Variants in ME3 observed in about 807,000 individuals in gnomAD.
The protein encoded by ME3 is NADP-dependent malic enzyme, mitochondrial.
Under a neutral mutation model 68.9 loss-of-function variants are expected in ME3, and 48 were observed. The observed-to-expected ratio is 0.70, with a 90% CI of 0.55 to 0.89. The LOEUF (loss-of-function observed/expected upper bound fraction) is 0.89. Ranked by LOEUF, ME3 falls within the 40% of genes least tolerant of loss-of-function variation. ME3 has a pLI of 0.00. For missense variants in ME3, 675 were observed against 797.4 expected (o/e 0.85, Z 1.85); for synonymous variants, 320 against 318.8 (o/e 1.00, Z -0.04).
intron 2 of ME3, among the ~76,000 whole-genome samples, chr11:86,598,268 G>C (rs76942180): frequency 6.6e-6 from 1 of 152,218 alleles, no homozygotes; most frequent in East Asian, 1.9e-4. Context: ...TTTCCGACGG[G>C]CTTAGGAAAT....
chr11:86,530,350 G>C (rs1955114016), intron 4 of ME3, among the ~76,000 whole-genome samples: 1 of 152,000 alleles, frequency 6.6e-6, no homozygotes, highest in African/African-American at 2.4e-5. Context: ...AATAAAAGAG[G>C]ATACAAAAAA....
At chr11:86,611,383 T>C (rs1212505452) in intron 2 of ME3, among the ~76,000 whole-genome samples, 1 of 152,106 alleles carries the variant, frequency 6.6e-6, no homozygotes, top group Non-Finnish European at 1.5e-5. Flanking sequence ...ATGGTGACTA[T>C]AGTTAATAAG....
intron 8 of ME3, chr11:86,462,825 C>G (rs1950289860): frequency 2.6e-6 from 1 of 388,564 alleles, no homozygotes; most frequent in Non-Finnish European, 5.2e-6. Flanking sequence ...CCAAATCAGA[C>G]TGAGGGAACA....
intron 8 of ME3, among the ~76,000 whole-genome samples, chr11:86,459,792 A>G (rs1157206928): frequency 1.3e-5 from 2 of 152,206 alleles, no homozygotes; most frequent in Non-Finnish European, 2.9e-5. Context: ...AGGGGGTGCT[A>G]ATAGCCTGAC....
At chr11:86,482,683 A>G (rs932489481) in intron 7 of ME3, among the ~76,000 whole-genome samples, 12 of 150,562 alleles carry the variant, frequency 8.0e-5, no homozygotes, top group African/African-American at 2.9e-4. Context: ...GGCAGCTTCC[A>G]CTCTTGTGTT....
At chr11:86,515,143 G>A (rs1208041025) in intron 4 of ME3, among the ~76,000 whole-genome samples, 3 of 152,128 alleles carry the variant, frequency 2.0e-5, no homozygotes, top group African/African-American at 7.2e-5. Flanking sequence ...AAGGATCTTT[G>A]GTGATGCACA....
chr11:86,442,739 T>G (rs1949069123), intron 14 of ME3, 82 bp downstream of exon 14: 9 of 1,176,564 alleles, frequency 7.6e-6, no homozygotes, highest in Non-Finnish European at 1.1e-5. Flanking sequence ...ACAGTTTCCA[T>G]CCCCTTAACC....
At chr11:86,655,044 T>C (rs1217122654) in intron 2 of ME3, among the ~76,000 whole-genome samples, 2 of 152,154 alleles carry the variant, frequency 1.3e-5, no homozygotes, top group East Asian at 1.9e-4. Context: ...TTACAAGGGA[T>C]GTGAAAGACC....
intron 7 of ME3, 114 bp downstream of exon 7, chr11:86,487,222 TG>T: frequency 1.2e-6 from 1 of 816,536 alleles, no homozygotes; most frequent in Non-Finnish European, 2.0e-6. Flanking sequence ...TCAGAATACC[TG>T]GAAAAGCATG....
intron 3 of ME3, among the ~76,000 whole-genome samples, chr11:86,557,928 T>C (rs1443473228): frequency 1.3e-5 from 2 of 152,136 alleles, no homozygotes; most frequent in Non-Finnish European, 2.9e-5. Flanking sequence ...TATTAAAGAT[T>C]TACCAGCACA....
intron 4 of ME3, among the ~76,000 whole-genome samples, chr11:86,519,200 G>T (rs1307861942): frequency 6.6e-6 from 1 of 152,126 alleles, no homozygotes. Flanking sequence ...CTCAAAGTCT[G>T]TTGGAATTTC....
intron 2 of ME3, among the ~76,000 whole-genome samples, chr11:86,657,618 T>C (rs1945990269): frequency 6.6e-6 from 1 of 152,016 alleles, no homozygotes; most frequent in African/African-American, 2.4e-5. Context: ...TTCAGTATAA[T>C]AATAAAAAAA....
intron 14 of ME3, 69 bp downstream of exon 14, chr11:86,442,752 C>A: frequency 1.5e-6 from 2 of 1,345,124 alleles, no homozygotes; most frequent in South Asian, 2.5e-5. Context: ...CCTTAACCCT[C>A]CTAAAGTCAC....
Position 86,671,851 on chromosome 11 carries a change from G to A in ME3, c.94C>T (p.Gln32Ter), listed in dbSNP as rs1946970826. Residue 32 changes from glutamine (Q) to a stop codon, truncating the protein, a stop_gained, in exon 2 of 15, where the codon CAA becomes TAA. Transcript: ENST00000543262. LOFTEE classifies it high-confidence loss of function. ...GGGCCAGGCTTGGAGTGGCAGCCTT[G>A]GGCGGGCGCGGTGGGTGTCCAGCGC... 1 of 1,584,654 alleles carries A rather than the reference G, an allele frequency of 6.3e-7. No individual in the cohort carries two copies.
At chr11:86,616,673 G>A (rs375351368) in intron 2 of ME3, among the ~76,000 whole-genome samples, 2 of 152,104 alleles carry the variant, frequency 1.3e-5, no homozygotes, top group Non-Finnish European at 1.5e-5. Context: ...TATAAACCTA[G>A]TTGGGGGACA....
chr11:86,599,560 A>G (rs1960217078), intron 2 of ME3, among the ~76,000 whole-genome samples: 1 of 152,256 alleles, frequency 6.6e-6, no homozygotes, highest in African/African-American at 2.4e-5. Context: ...TCCCCAATCT[A>G]GCAAGGCAGG....
At chr11:86,456,041 T>TA (rs1390567214) in intron 8 of ME3, among the ~76,000 whole-genome samples, 1 of 152,220 alleles carries the variant, frequency 6.6e-6, no homozygotes, top group Admixed American at 6.5e-5. Flanking sequence ...CCATACTTCT[T>TA]ACTCTCCGCC....
At chr11:86,467,139 C>T (rs370213821) in intron 7 of ME3, among the ~76,000 whole-genome samples, 1 of 152,216 alleles carries the variant, frequency 6.6e-6, no homozygotes, top group African/African-American at 2.4e-5. Context: ...TTACCACATC[C>T]ATCACCCCAT....
chr11:86,632,648 T>C (rs1944090418), intron 2 of ME3, among the ~76,000 whole-genome samples: 1 of 152,114 alleles, frequency 6.6e-6, no homozygotes, highest in South Asian at 2.1e-4. Context: ...TGGCCATATG[T>C]TGGAGAACCT....
Sources: gnomAD v4.1 joint callset for allele counts (sites outside exome capture counted in the v4.1 genomes callset) on GRCh38, gnomAD v4.1.1 for gene constraint, MANE v1.5 for transcripts, NCBI Gene and HGNC (gene_info 2026-07-23, HGNC 2026-07-21) for gene names.